The following METTL15 variants were observed in gnomAD, a reference collection of about 807,000 sequenced individuals.
The protein encoded by METTL15 is 12S rRNA N(4)-cytidine methyltransferase METTL15.
A neutral mutation model predicts 38.3 loss-of-function variants in METTL15; 34 were observed. That is an observed-to-expected ratio of 0.89 (90% CI 0.68 to 1.18). The LOEUF is 1.18. Ranked by LOEUF, METTL15 falls within the 50% of genes most tolerant of loss-of-function variation. METTL15 has a pLI of 0.00. For synonymous variants in METTL15, 162 were observed against 170.9 expected (o/e 0.95, Z 0.41); for missense variants, 438 against 498.4 (o/e 0.88, Z 1.15).
At chr11:28,198,891 T>C (rs775589189) in intron 3 of METTL15, among the ~76,000 whole-genome samples, 1 of 151,964 alleles carries the variant, frequency 6.6e-6, no homozygotes, top group Non-Finnish European at 1.5e-5. Flanking sequence ...GTCAGTAATA[T>C]AGTCTTGAGT....
chr11:28,254,093 C>A (rs1743412558), intron 4 of METTL15, among the ~76,000 whole-genome samples: 1 of 152,124 alleles, frequency 6.6e-6, no homozygotes, highest in Admixed American at 6.5e-5. Context: ...TTTACATTCC[C>A]ACCAACAGTG....
chr11:28,213,099 T>TATTA (rs1852711302), intron 4 of METTL15, among the ~76,000 whole-genome samples: 1 of 152,178 alleles, frequency 6.6e-6, no homozygotes, highest in Non-Finnish European at 1.5e-5. Context: ...TGTATTCCAA[T>TATTA]CTCTAGCCTC....
intron 4 of METTL15, among the ~76,000 whole-genome samples, chr11:28,285,983 G>C (rs1242324976): frequency 6.6e-6 from 1 of 152,064 alleles, no homozygotes; most frequent in Non-Finnish European, 1.5e-5. Flanking sequence ...TCTACCTCTT[G>C]AGCAGAGATA....
chr11:28,153,198 C>T (rs1452210716), intron 3 of METTL15, among the ~76,000 whole-genome samples: 1 of 152,026 alleles, frequency 6.6e-6, no homozygotes, highest in Non-Finnish European at 1.5e-5. Context: ...CTTACAATGT[C>T]TAACCTCCTG....
At chr11:28,351,674 T>C (rs1435235302) in intron 3 of METTL15, among the ~76,000 whole-genome samples, 1 of 152,218 alleles carries the variant, frequency 6.6e-6, no homozygotes, top group Non-Finnish European at 1.5e-5. Context: ...CATTTGAGTA[T>C]AAATTAAGTG....
chr11:28,416,876 A>G (rs527336113), intron 5 of METTL15, among the ~76,000 whole-genome samples: 1 of 152,302 alleles, frequency 6.6e-6, no homozygotes, highest in South Asian at 2.1e-4. Flanking sequence ...AGTTTCTATT[A>G]CTTAGGAAGA....
At chr11:28,364,063 A>G (rs149424016) in intron 5 of METTL15, among the ~76,000 whole-genome samples, 91 of 152,252 alleles carry the variant, frequency 6.0e-4, no homozygotes, top group Non-Finnish European at 1.0e-3. Flanking sequence ...TATTAATACC[A>G]TGCTGTTTTG....
intron 5 of METTL15, among the ~76,000 whole-genome samples, chr11:28,412,344 C>T (rs1850735254): frequency 6.6e-6 from 1 of 150,776 alleles, no homozygotes; most frequent in African/African-American, 2.4e-5. Context: ...AAATGAATGC[C>T]TGGAACAGAG....
At chr11:28,493,255 G>A (rs1851511521) in intron 6 of METTL15, among the ~76,000 whole-genome samples, 1 of 151,962 alleles carries the variant, frequency 6.6e-6, no homozygotes, top group Non-Finnish European at 1.5e-5. Flanking sequence ...GTTAAGTTTG[G>A]GAGTCTTAAG....
At chr11:28,307,544 G>A (rs1446025210) in intron 6 of METTL15, among the ~76,000 whole-genome samples, 1 of 151,906 alleles carries the variant, frequency 6.6e-6, no homozygotes, top group Non-Finnish European at 1.5e-5. Context: ...AAAAATAAGA[G>A]AAAATGTAAT....
chr11:28,493,291 A>G (rs978098503), intron 6 of METTL15, among the ~76,000 whole-genome samples: 3 of 152,124 alleles, frequency 2.0e-5, no homozygotes, highest in Non-Finnish European at 4.4e-5. Flanking sequence ...GAGCCTCCCC[A>G]TGCTTAGTTC....
intron 6 of METTL15, among the ~76,000 whole-genome samples, chr11:28,453,019 C>T (rs1442255525): frequency 6.6e-6 from 1 of 152,228 alleles, no homozygotes; most frequent in Non-Finnish European, 1.5e-5. Context: ...CATTTTCCAT[C>T]TGGCCAACCT....
At chr11:28,230,719 G>A (rs182791228) in intron 4 of METTL15, among the ~76,000 whole-genome samples, 38 of 151,824 alleles carry the variant, frequency 2.5e-4, no homozygotes, top group African/African-American at 9.2e-4. Context: ...TCCTGTTCTC[G>A]ACACCCCCCA....
rs538784534 is a variant in METTL15, at chr11:28,235,976, G to A, written c.407+24778G>A. Among the ~76,000 whole-genome samples, 12 of 151,646 alleles carry A rather than the reference G, an allele frequency of 7.9e-5. No homozygotes were observed. In the East Asian group the frequency reaches 1.2e-3, roughly 15 times the overall value. On this transcript the variant is annotated intron_variant, in intron 4 of 6. Transcript: ENST00000407364. ...GATAGCTCTTATTATTTTGAGATAC[G>A]TCCCATCAATACCTAATTTATTGAG...
chr11:28,155,371 A>C (rs1294200283), intron 3 of METTL15, among the ~76,000 whole-genome samples: 1 of 152,214 alleles, frequency 6.6e-6, no homozygotes, highest in Non-Finnish European at 1.5e-5. Context: ...AGATTAAACT[A>C]GATGATTTAA....
At chr11:28,426,778 G>A (rs1850869388) in intron 6 of METTL15, among the ~76,000 whole-genome samples, 2 of 151,260 alleles carry the variant, frequency 1.3e-5, no homozygotes, top group African/African-American at 4.9e-5. Context: ...CTTTTTAATG[G>A]TGTTGTTTAT....
downstream of METTL15, among the ~76,000 whole-genome samples, chr11:28,529,731 A>G (rs1053056348): frequency 6.6e-6 from 1 of 151,692 alleles, no homozygotes; most frequent in Non-Finnish European, 1.5e-5. Context: ...CATTTCTCCA[A>G]CTCCTCCAAT....
At chr11:28,320,845 A>AT (rs1028130533) in intron 6 of METTL15, among the ~76,000 whole-genome samples, 1 of 152,084 alleles carries the variant, frequency 6.6e-6, no homozygotes, top group Non-Finnish European at 1.5e-5. Flanking sequence ...TTTAAAGACA[A>AT]TTTTTTTCAT....
chr11:28,307,731 G>A (rs1049109675), intron 6 of METTL15, among the ~76,000 whole-genome samples: 1 of 151,894 alleles, frequency 6.6e-6, no homozygotes, highest in East Asian at 1.9e-4. Context: ...TAACCATCAG[G>A]TATTTATTCT....
Sources: allele counts gnomAD v4.1 joint callset (sites outside exome capture counted in the v4.1 genomes callset), GRCh38; gene constraint gnomAD v4.1.1; transcripts MANE v1.5; gene names NCBI Gene and HGNC (gene_info 2026-07-23, HGNC 2026-07-21).